DEPDC4: variants seen among roughly 807,000 people sequenced by gnomAD.
The protein encoded by DEPDC4 is DEP domain-containing protein 4.
In DEPDC4, 52 loss-of-function variants were observed where a neutral mutation model predicts 52.0. The ratio of observed to expected loss-of-function variants is 1.00; its 90% CI spans 0.80 to 1.26. The LOEUF (loss-of-function observed/expected upper bound fraction) is 1.26, where lower values mean the gene tolerates loss of function less well. DEPDC4 is among the 50% of genes most tolerant of loss of function. DEPDC4 has a pLI of 0.00. For synonymous variants in DEPDC4, 201 were observed against 196.8 expected, an observed-to-expected ratio of 1.02 and a Z score of -0.18; for missense variants, 530 against 546.9, an observed-to-expected ratio of 0.97 and a Z score of 0.31.
In DEPDC4 at chr12:100,266,854, C is replaced by T. The variant is rs2096275946; in HGVS notation, c.157+66G>A. ...GGACCAATGAGGAGCAGAGTCCCAGCCGCCTGCTCCCTTCAGCTGCCCCCT... is the reference window on the plus strand; with the variant it reads ...GGACCAATGAGGAGCAGAGTCCCAGTCGCCTGCTCCCTTCAGCTGCCCCCT... On this transcript the variant is annotated intron_variant, in intron 1 of 9. Coordinates refer to ENST00000550587, the MANE Select transcript of DEPDC4 (RefSeq NM_001364818.2). 8.4e-6 allele frequency: 13 copies of T among 1,543,090 alleles called. No homozygotes were observed. The South Asian group carries it at 1.3e-4, about 16-fold the overall frequency.
chr12:100,277,572 CATTCTTTTACCTGTG>C, the DEPDC4 span, among the ~76,000 whole-genome samples: 1 of 152,176 alleles, frequency 6.6e-6, no homozygotes, highest in South Asian at 2.1e-4. Flanking sequence ...TATACTTTCA[CATTCTTTTACCTGTG>C]TTTTTATACT....
downstream of DEPDC4, among the ~76,000 whole-genome samples, chr12:100,239,099 CAG>C (rs2096148758): frequency 6.6e-6 from 1 of 152,130 alleles, no homozygotes; most frequent in Non-Finnish European, 1.5e-5. Context: ...TTTTTTGAGA[CAG>C]AGTCTCTCCC....
rs2153904559 is a variant in DEPDC4, at chr12:100,241,803, T to G, written c.*89A>C. The G allele has an allele frequency of 8.0e-7, 1 of 1,252,542 alleles. No individual in the cohort carries two copies. Among genetic ancestry groups the G allele is most frequent in the African/African-American group, 1.6e-5 (1 of 63,968 alleles). The allele number at this position is 1,252,542 out of a possible 1,614,324, so 77.6% of individuals were successfully genotyped here. On this transcript the variant is annotated 3_prime_UTR_variant, in exon 10 of 10. Coordinates refer to ENST00000550587, the MANE Select transcript of DEPDC4 (RefSeq NM_001364818.2). ...ATACTGAATTGTCCTTCCCTTCTGC[T>G]TTTCAAACTCCTTGTATGTCAAGGG...
At chr12:100,262,432 TC>T (rs1566327094) in intron 2 of DEPDC4, 23 bp from the exon 3 acceptor site, 2 of 1,573,212 alleles carry the variant, frequency 1.3e-6, no homozygotes. Flanking sequence ...AATACGTGGC[TC>T]TTTTCATTAT....
chr12:100,241,725 C>T lies in DEPDC4; in HGVS notation c.*167G>A, dbSNP rs1233001875. On this transcript the variant is annotated 3_prime_UTR_variant, in exon 10 of 10. Transcript: ENST00000550587. ...AAATTCCTTAATTAATTTCTTTTTT[C>T]GTTTCAGAGAGATGCTGGGGTTACT... is the stretch of plus-strand genomic sequence containing the variant. The T allele has an allele frequency of 4.0e-6, 5 of 1,259,076 alleles. No individual in the cohort carries two copies. The highest frequency in any genetic ancestry group is 5.1e-6 in the Non-Finnish European group (5 of 975,070). 78.0% of individuals were successfully genotyped at this position (1,259,076 alleles called of 1,614,324 possible).
At chr12:100,243,055 T>C (rs1457733815) in intron 8 of DEPDC4, among the ~76,000 whole-genome samples, 2 of 152,216 alleles carry the variant, frequency 1.3e-5, no homozygotes, top group Non-Finnish European at 2.9e-5. Context: ...TATTAAAGTT[T>C]AATTTATTAA....
intron 7 of DEPDC4, among the ~76,000 whole-genome samples, chr12:100,249,967 C>A (rs928913110): frequency 6.6e-6 from 1 of 152,040 alleles, no homozygotes. Context: ...GAGAAAGAGG[C>A]CAGAGTGAAA....
upstream of DEPDC4, among the ~76,000 whole-genome samples, chr12:100,269,338 C>G (rs1461082796): frequency 1.3e-5 from 2 of 151,772 alleles, no homozygotes; most frequent in Non-Finnish European, 2.9e-5. Flanking sequence ...TTTTTTTAGC[C>G]AATTATGCCT....
intron 3 of DEPDC4, among the ~76,000 whole-genome samples, chr12:100,261,134 T>C (rs963580389): frequency 1.5e-5 from 2 of 136,574 alleles, no homozygotes; most frequent in African/African-American, 2.8e-5. Context: ...TGAGCCAAGA[T>C]CACAACAGTG....
chr12:100,254,029 C>A (rs2096220617), intron 4 of DEPDC4, among the ~76,000 whole-genome samples: 1 of 152,074 alleles, frequency 6.6e-6, no homozygotes, highest in Non-Finnish European at 1.5e-5. Flanking sequence ...CCTTTTCCTG[C>A]TCTGATGAGT....
At chr12:100,234,826 C>T (rs964026734) in intron 9 of DEPDC4, among the ~76,000 whole-genome samples, 1 of 152,170 alleles carries the variant, frequency 6.6e-6, no homozygotes, top group African/African-American at 2.4e-5. Flanking sequence ...TTTAGCCTAA[C>T]ATTGAATGAT....
In DEPDC4 at chr12:100,257,210, T is replaced by C. The variant is rs61940534; in HGVS notation, c.701-984A>G. On this transcript the variant is annotated intron_variant, in intron 3 of 9. Coordinates refer to ENST00000550587, the MANE Select transcript of DEPDC4 (RefSeq NM_001364818.2). ...CTCCTGCCTTAGCCTCCAGAGTAGC[T>C]GGGACTACAGGCATGCACCACCCTG... Among the ~76,000 whole-genome samples, 1,444 of 151,898 alleles carry C rather than the reference T, an allele frequency of 9.5e-3. 17 individuals are homozygous for C. Among genetic ancestry groups the C allele is most frequent in the Non-Finnish European group, 0.016 (1,080 of 67,936 alleles).
At chr12:100,280,663 C>G in the DEPDC4 span, among the ~76,000 whole-genome samples, 32 of 152,288 alleles carry the variant, frequency 2.1e-4, no homozygotes, top group African/African-American at 7.7e-4. Flanking sequence ...ATCCAAAAAT[C>G]TGAAATGCTC....
chr12:100,247,173 A>T (rs1245065816), intron 8 of DEPDC4, among the ~76,000 whole-genome samples: 1 of 151,072 alleles, frequency 6.6e-6, no homozygotes, highest in Non-Finnish European at 1.5e-5. Context: ...ATTGTGCAAA[A>T]CACTTATATT....
chr12:100,272,133 T>A, the DEPDC4 span, among the ~76,000 whole-genome samples: 1 of 152,108 alleles, frequency 6.6e-6, no homozygotes, highest in African/African-American at 2.4e-5. Context: ...CTACCCCAAA[T>A]CCTATTTTGG....
chr12:100,258,808 C>T (rs965083682), intron 3 of DEPDC4, among the ~76,000 whole-genome samples: 3 of 151,952 alleles, frequency 2.0e-5, no homozygotes, highest in African/African-American at 4.8e-5. Flanking sequence ...CGGTGGTTCA[C>T]GTCTGTAATC....
the DEPDC4 span, among the ~76,000 whole-genome samples, chr12:100,277,015 C>T: frequency 6.6e-6 from 1 of 151,966 alleles, no homozygotes; most frequent in Non-Finnish European, 1.5e-5. Flanking sequence ...TATTTAAAAG[C>T]GTTGATTAAT....
intron 5 of DEPDC4, 85 bp from the exon 6 acceptor site, chr12:100,252,621 G>T (rs2096213000): frequency 2.3e-6 from 3 of 1,321,444 alleles, no homozygotes; most frequent in South Asian, 1.6e-5. Context: ...CAATTAAAAT[G>T]CTACAATGTT....
Position 100,248,905 on chromosome 12 carries a change from A to G in DEPDC4, c.1448T>C (p.Ile483Thr). The G allele has an allele frequency of 1.0e-6, 1 of 985,108 alleles. No individual in the cohort carries two copies. The highest frequency in any genetic ancestry group is 5.2e-4 in the Middle Eastern group (1 of 1,912). 61.0% of individuals were successfully genotyped at this position (985,108 alleles called of 1,614,324 possible). A position where few individuals can be genotyped will look rare whatever the true frequency, so the allele number is the denominator to read the frequency against. ...GAACAAGCTGGAATCCATACCTGAT[A>G]TGGCATCTGCATCTTCTCCATGTAG... ...KLLHGEDADA[I>T]SGMAENNSYT... Residue 483 changes from isoleucine (I) to threonine (T), a missense_variant, in exon 8 of 10, where the codon ATA becomes ACA. Physicochemically the swap from Ile to Thr is moderately conservative, Grantham distance 89. Transcript: ENST00000550587.
Sources: allele counts gnomAD v4.1 joint callset (sites outside exome capture counted in the v4.1 genomes callset), GRCh38; gene constraint gnomAD v4.1.1; transcripts MANE v1.5; gene names NCBI Gene and HGNC (gene_info 2026-07-23, HGNC 2026-07-21).